Variants in RUFY4 observed in about 807,000 individuals in gnomAD.
RUFY4 encodes the protein RUN and FYVE domain-containing protein 4.
A neutral mutation model predicts 69.0 loss-of-function variants in RUFY4; 73 were observed. The observed-to-expected ratio is 1.06, with a 90% CI of 0.88 to 1.29. The LOEUF (loss-of-function observed/expected upper bound fraction) is 1.29. Among genes scored for constraint, RUFY4 ranks in the 50% most tolerant of loss-of-function variants. The pLI, the probability that RUFY4 is intolerant of heterozygous loss-of-function variation, is 0.00. For synonymous variants in RUFY4, 287 were observed against 271.8 expected, an observed-to-expected ratio of 1.06 and a Z score of -0.55; for missense variants, 770 against 705.6, an observed-to-expected ratio of 1.09 and a Z score of -1.03.
At chr2:218,058,969 T>A (rs1689124054) in intron 3 of RUFY4, among the ~76,000 whole-genome samples, 1 of 152,158 alleles carries the variant, frequency 6.6e-6, no homozygotes, top group Non-Finnish European at 1.5e-5. Context: ...AAGCTTGGGT[T>A]GGGGATGAGG....
At chr2:218,087,373 C>G (rs1689919211) in intron 9 of RUFY4, among the ~76,000 whole-genome samples, 1 of 151,884 alleles carries the variant, frequency 6.6e-6, no homozygotes, top group Non-Finnish European at 1.5e-5. Flanking sequence ...TAGTGGCTAC[C>G]ATTTTGGATG....
rs753748523 is a variant in RUFY4 at position 218,083,275 on chromosome 2, G to C, written c.1502+19G>C. The C allele has an allele frequency of 6.4e-7, 1 of 1,564,910 alleles. No individual in the cohort carries two copies. The highest frequency in any genetic ancestry group is 1.2e-5 in the South Asian group (1 of 84,646). ...TGATCCAGTAAGGACGGGGACAGTG[G>C]GAAAGGGGAAACAGATGGGGGAACG... is the stretch of plus-strand genomic sequence containing the variant. On this transcript the variant is annotated intron_variant, in intron 9 of 10. Transcript: ENST00000344321.
At chr2:218,045,824 A>G (rs1688813593) in intron 2 of RUFY4, among the ~76,000 whole-genome samples, 1 of 130,254 alleles carries the variant, frequency 7.7e-6, no homozygotes, top group African/African-American at 2.9e-5. Context: ...TTTTTTTTTG[A>G]GGCGGAGTCT....
exon 7 of RUFY4, chr2:218,075,476 A>T (rs946539116): frequency 6.3e-7 from 1 of 1,599,252 alleles, no homozygotes; most frequent in East Asian, 2.2e-5. Flanking sequence ...GTCAGAGAAC[A>T]ACAGAGGGGA....
At chr2:218,060,488 G>T in intron 3 of RUFY4, 1 of 1,320,732 alleles carries the variant, frequency 7.6e-7, no homozygotes, top group Non-Finnish European at 1.1e-6. Flanking sequence ...GCGTAGATGA[G>T]GGGATTGAGG....
At chr2:218,087,924 A>G (rs1396132949) in intron 9 of RUFY4, among the ~76,000 whole-genome samples, 1 of 152,202 alleles carries the variant, frequency 6.6e-6, no homozygotes, top group East Asian at 1.9e-4. Context: ...ATGGTAATAA[A>G]TAAGCTAAAT....
exon 2 of RUFY4, chr2:218,070,828 G>C: frequency 6.5e-7 from 1 of 1,537,064 alleles, no homozygotes; most frequent in Non-Finnish European, 8.7e-7. Flanking sequence ...GAGCTGCACA[G>C]ACTCTGTGGC....
intron 9 of RUFY4, among the ~76,000 whole-genome samples, chr2:218,086,510 T>C (rs1187538195): frequency 6.6e-6 from 1 of 152,198 alleles, no homozygotes; most frequent in Non-Finnish European, 1.5e-5. Context: ...CAGTCTATGG[T>C]GCAATTCTTT....
chr2:218,062,368 T>C (rs1689217283), intron 3 of RUFY4, among the ~76,000 whole-genome samples: 2 of 140,920 alleles, frequency 1.4e-5, no homozygotes, highest in Admixed American at 7.4e-5. Flanking sequence ...ATTGCACCAC[T>C]GCACTCCAGC....
intron 2 of RUFY4, among the ~76,000 whole-genome samples, chr2:218,040,349 A>C (rs1350798281): frequency 1.3e-5 from 2 of 152,088 alleles, no homozygotes; most frequent in Non-Finnish European, 2.9e-5. Context: ...CACCTTACTC[A>C]TCAAGTGCCC....
chr2:218,060,436 A>G (rs1302878975), intron 3 of RUFY4: 25 of 1,506,652 alleles, frequency 1.7e-5, no homozygotes, highest in Non-Finnish European at 2.2e-5. Context: ...GTGTATGGCT[A>G]TAATCTTGAG....
At chr2:218,065,388 C>T (rs113624914), upstream of RUFY4, 3,379 of 152,856 alleles carry the variant, frequency 0.022, 125 homozygotes, top group African/African-American at 0.072. Flanking sequence ...AGGTGCAGGG[C>T]GTGCTCCTGC....
At chr2:218,042,022 C>T (rs996201445) in intron 2 of RUFY4, among the ~76,000 whole-genome samples, 4 of 152,168 alleles carry the variant, frequency 2.6e-5, no homozygotes, top group Non-Finnish European at 4.4e-5. Flanking sequence ...TCAGCACTAT[C>T]CAAAATTGCA....
chr2:218,041,864 CT>C (rs370989059), intron 2 of RUFY4, among the ~76,000 whole-genome samples: 195 of 152,304 alleles, frequency 1.3e-3, no homozygotes, highest in African/African-American at 4.5e-3. Flanking sequence ...ACAATTTTCC[CT>C]TTTTGGTCAT....
chr2:218,072,476 C>T (rs1216732925), exon 3 of RUFY4: 21 of 1,537,096 alleles, frequency 1.4e-5, no homozygotes, highest in Non-Finnish European at 1.8e-5. Context: ...GGAGCCAATC[C>T]ACTTTGTCCG....
chr2:218,046,735 C>T (rs1262509990), intron 2 of RUFY4, among the ~76,000 whole-genome samples: 1 of 152,152 alleles, frequency 6.6e-6, no homozygotes, highest in African/African-American at 2.4e-5. Flanking sequence ...AGAGAAAGTT[C>T]AGCATCACTT....
intron 2 of RUFY4, among the ~76,000 whole-genome samples, chr2:218,056,417 T>C (rs1262622347): frequency 1.3e-5 from 2 of 152,104 alleles, no homozygotes; most frequent in African/African-American, 4.8e-5. Flanking sequence ...GAGAGCTTTT[T>C]TCCCCCACTT....
chr2:218,089,652 G>C (rs74675888), intron 10 of RUFY4: 1 of 702,462 alleles, frequency 1.4e-6, no homozygotes, highest in Admixed American at 2.0e-5. Flanking sequence ...TCTGTACAGC[G>C]TAAGCTGCTC....
chr2:218,072,446 C>T lies in RUFY4; in HGVS notation c.226C>T (p.Arg76Ter), dbSNP rs755454736. ...CTGGGACTTTCTCTGCACTGCCCTA[C>T]GACGGCAGCGGGGAAACATGGAGCC... Residue 76 changes from arginine to a stop codon, truncating the protein, a stop_gained, in exon 3 of 11, where the codon CGA becomes TGA. Coordinates refer to ENST00000344321, the Ensembl canonical transcript of RUFY4. LOFTEE classifies it high-confidence loss of function. 2.3e-5 allele frequency: 36 copies of T among 1,537,230 alleles called. 1 individual carries two copies. Among genetic ancestry groups the T allele is most frequent in the South Asian group, 1.1e-4 (9 of 84,056 alleles).
Sources: gnomAD v4.1 joint callset for allele counts (sites outside exome capture counted in the v4.1 genomes callset) on GRCh38, gnomAD v4.1.1 for gene constraint, MANE v1.5 for transcripts, NCBI Gene and HGNC (gene_info 2026-07-23, HGNC 2026-07-21) for gene names.